The following EBF3 variants were observed in gnomAD, a reference collection of about 807,000 sequenced individuals.
EBF3 encodes EBF transcription factor 3.
EBF3 carries 18 observed loss-of-function variants against 77.1 expected under a neutral mutation model. The observed-to-expected ratio is 0.23, with a 90% confidence interval of 0.16 to 0.35. The LOEUF (loss-of-function observed/expected upper bound fraction) is 0.35. EBF3 is among the 10% of genes least tolerant of loss of function. EBF3 has a pLI of 1.00. For missense variants in EBF3, 558 were observed against 860.0 expected (o/e 0.65, Z 4.39); for synonymous variants, 350 against 343.5 (o/e 1.02, Z -0.21).
intron 6 of EBF3, among the ~76,000 whole-genome samples, chr10:129,926,742 G>A (rs1204299302): frequency 4.6e-5 from 7 of 152,130 alleles, no homozygotes; most frequent in African/African-American, 1.2e-4. Context: ...TCCAGGAAAC[G>A]AGGATGCCCC....
At position 129,836,671 on chromosome 10, in the gene EBF3, T is replaced by C. The variant is rs1326114778; in HGVS notation, c.*1272A>G. ...TACAAATGAAATGTAAAGACACTGG[T>C]TCAGCTTAACGAAACAGATCAAAGA... On this transcript the variant is annotated 3_prime_UTR_variant, in exon 17 of 17. Transcript: ENST00000440978. 2.6e-5 allele frequency: 4 copies of C among 152,038 alleles called. No homozygotes were observed. The East Asian group carries it at 7.7e-4, about 29-fold the overall frequency. The allele number at this position is 152,038 out of a possible 1,614,324, so 9.4% of individuals were successfully genotyped here.
chr10:129,902,979 G>A (rs1363397416), intron 6 of EBF3, among the ~76,000 whole-genome samples: 1 of 152,198 alleles, frequency 6.6e-6, no homozygotes, highest in Non-Finnish European at 1.5e-5. Flanking sequence ...ATTCACAAGT[G>A]ATTCTCCATG....
At chr10:129,871,084 C>T (rs762707942) in intron 8 of EBF3, among the ~76,000 whole-genome samples, 129 of 152,152 alleles carry the variant, frequency 8.5e-4, no homozygotes, top group Non-Finnish European at 2.2e-4. Flanking sequence ...CGCTTTAACT[C>T]GCTAAAGCCC....
Position 129,870,611 on chromosome 10 carries a change from G to A in EBF3, c.782-2699C>T, listed in dbSNP as rs1852338856. On this transcript the variant is annotated intron_variant, in intron 8 of 16. Transcript: ENST00000440978. The surrounding 1 kb of genome is among the most constrained non-coding windows in gnomAD (Gnocchi z 4.4). The stretch of plus-strand genomic sequence containing the variant: ...TCTGAGGATCCTCTCAGCTACTTGG[G>A]AGAAGAGGCGCTCACAAGGAACACC... Among the ~76,000 whole-genome samples, 1 of 152,116 alleles carries A rather than the reference G, an allele frequency of 6.6e-6. No individual in the cohort carries two copies. The highest frequency in any genetic ancestry group is 2.4e-5 in the African/African-American group (1 of 41,422).
At chr10:129,883,189 G>A (rs1197888412) in intron 6 of EBF3, among the ~76,000 whole-genome samples, 3 of 152,142 alleles carry the variant, frequency 2.0e-5, no homozygotes, top group Non-Finnish European at 4.4e-5. Context: ...GTGAGTCACT[G>A]TACACTGGAA....
chr10:129,847,188 T>C (rs1357798182), intron 11 of EBF3, among the ~76,000 whole-genome samples: 1 of 151,770 alleles, frequency 6.6e-6, no homozygotes, highest in East Asian at 1.9e-4. Flanking sequence ...GTGTCTTCCC[T>C]GAGGGCCACC....
intron 6 of EBF3, among the ~76,000 whole-genome samples, chr10:129,926,468 C>G (rs1203434043): frequency 2.6e-5 from 4 of 152,136 alleles, no homozygotes; most frequent in African/African-American, 9.7e-5. Context: ...AGACCCTGGG[C>G]TGAAACTCTT....
At position 129,952,196 on chromosome 10, in the gene EBF3, C is replaced by A. The variant is rs568429759; in HGVS notation, c.554+5062G>T. Among the ~76,000 whole-genome samples, 1 of 152,326 alleles carries A rather than the reference C, an allele frequency of 6.6e-6. No individual in the cohort carries two copies. Among genetic ancestry groups the A allele is most frequent in the Admixed American group, 6.5e-5 (1 of 15,308 alleles). On this transcript the variant is annotated intron_variant, in intron 6 of 16. Coordinates refer to ENST00000440978, the MANE Select transcript of EBF3 (RefSeq NM_001375380.1). The surrounding 1 kb of genome is among the most constrained non-coding windows in gnomAD (Gnocchi z 4.7). Reference sequence around the variant, plus strand: ...CGCCAAGAGAGGATCTCCAGGACCCCAAGGCCTATCCAATGATAATTATAT... The same window carrying A: ...CGCCAAGAGAGGATCTCCAGGACCCAAAGGCCTATCCAATGATAATTATAT...
chr10:129,958,841 G>C lies in EBF3; in HGVS notation c.485+93C>G, dbSNP rs1055808222. On this transcript the variant is annotated intron_variant, in intron 5 of 16. Transcript: ENST00000440978. Reference sequence around the variant, plus strand: ...TCAATCGATGCCCTTCCCGGAGCTGGGCGGGGTGGCGGCGCCTGGACGCGG... The same window carrying C: ...TCAATCGATGCCCTTCCCGGAGCTGCGCGGGGTGGCGGCGCCTGGACGCGG... 5 of 1,437,248 alleles carry C rather than the reference G, an allele frequency of 3.5e-6. No individual in the cohort carries two copies. The South Asian group carries it at 7.2e-5, about 21-fold the overall frequency. The allele number at this position is 1,437,248 out of a possible 1,614,324, so 89.0% of individuals were successfully genotyped here.
chr10:129,877,801 A>G lies in EBF3; in HGVS notation c.603T>C (p.Asn201=), dbSNP rs1330839148. The G allele has an allele frequency of 1.2e-6, 2 of 1,614,026 alleles. No individual in the cohort carries two copies. The highest frequency in any genetic ancestry group is 1.7e-6 in the Non-Finnish European group (2 of 1,180,006). ...TCCGCATATCTCGAGGGTTGCCTGC[A>G]TTCTTCAAACAGTTCTGATTGCACT... ...FLKCNQNCLK[N]AGNPRDMRRF... The change falls in exon 7 of 17, where the codon AAT becomes AAC. Residue 201 remains asparagine, a synonymous_variant. Coordinates refer to ENST00000440978, the MANE Select transcript of EBF3 (RefSeq NM_001375380.1).
intron 10 of EBF3, among the ~76,000 whole-genome samples, chr10:129,852,125 G>A (rs926947306): frequency 7.9e-5 from 12 of 152,250 alleles, no homozygotes; most frequent in African/African-American, 2.6e-4. Context: ...TATCCAGAGC[G>A]GGTCATACAA....
chr10:129,846,909 C>A (rs1850505184), intron 11 of EBF3, among the ~76,000 whole-genome samples: 1 of 152,058 alleles, frequency 6.6e-6, no homozygotes, highest in Non-Finnish European at 1.5e-5. Context: ...AGAAAGTCTT[C>A]TGTCCCCCGG....
intron 6 of EBF3, among the ~76,000 whole-genome samples, chr10:129,878,800 G>A (rs1207191941): frequency 9.1e-6 from 1 of 110,178 alleles, no homozygotes; most frequent in Non-Finnish European, 1.7e-5. Flanking sequence ...CTCCAGCCTG[G>A]GCAACACAGT....
intron 6 of EBF3, among the ~76,000 whole-genome samples, chr10:129,923,475 G>A (rs1856449454): frequency 6.6e-6 from 1 of 152,206 alleles, no homozygotes; most frequent in Non-Finnish European, 1.5e-5. Flanking sequence ...GAGAGCCCAG[G>A]AGTAAACCCT....
intron 6 of EBF3, among the ~76,000 whole-genome samples, chr10:129,924,979 C>T (rs778370046): frequency 6.6e-6 from 1 of 152,190 alleles, no homozygotes; most frequent in Non-Finnish European, 1.5e-5. Context: ...AGTCCTTGCA[C>T]GTCCGTGTTC....
chr10:129,921,251 C>A (rs79904181), intron 6 of EBF3, among the ~76,000 whole-genome samples: 1 of 152,116 alleles, frequency 6.6e-6, no homozygotes, highest in African/African-American at 2.4e-5. Context: ...GCACGACTGA[C>A]GGCGGGGGTG....
intron 6 of EBF3, among the ~76,000 whole-genome samples, chr10:129,910,499 G>A (rs1855452448): frequency 6.6e-6 from 1 of 152,024 alleles, no homozygotes. Flanking sequence ...AAATTGGAAG[G>A]GTCCGAAGAG....
rs959915964 is a variant in EBF3 at position 129,861,418 on chromosome 10, A to G, written c.1039+5723T>C. On this transcript the variant is annotated intron_variant, in intron 10 of 16. Coordinates refer to ENST00000440978, the MANE Select transcript of EBF3 (RefSeq NM_001375380.1). The surrounding 1 kb of genome is among the most constrained non-coding windows in gnomAD (Gnocchi z 4.3). ...AGAAGTTGTGTTGTTGGAGTCACGC[A>G]TTATCTTGTGATTATCCCGATTCTG... 5.3e-5 allele frequency among the ~76,000 whole-genome samples: 8 copies of G among 152,210 alleles called. No homozygotes were observed. Among genetic ancestry groups the G allele is most frequent in the African/African-American group, 1.7e-4 (7 of 41,466 alleles).
At chr10:129,877,891 G>A in intron 6 of EBF3, 42 bp from the exon 7 acceptor site, 1 of 1,517,502 alleles carries the variant, frequency 6.6e-7, no homozygotes, top group Non-Finnish European at 9.0e-7. Context: ...AGGGTTATCA[G>A]ACAAAAGACT....
Sources: allele counts gnomAD v4.1 joint callset (sites outside exome capture counted in the v4.1 genomes callset), GRCh38; gene constraint gnomAD v4.1.1; non-coding constraint Gnocchi (gnomAD v3.1); transcripts MANE v1.5; gene names NCBI Gene and HGNC (gene_info 2026-07-23, HGNC 2026-07-21).